NCAM2: variants seen among roughly 807,000 people sequenced by gnomAD.
The protein encoded by NCAM2 is N-CAM-2.
Under a neutral mutation model 98.1 loss-of-function variants are expected in NCAM2, and 30 were observed. The ratio of observed to expected loss-of-function variants is 0.31; its 90% confidence interval spans 0.23 to 0.41. The LOEUF (loss-of-function observed/expected upper bound fraction) is 0.41, where lower values mean the gene tolerates loss of function less well. Among genes scored for constraint, NCAM2 ranks in the 10% least tolerant of loss-of-function variants. NCAM2 has a pLI of 1.00. For missense variants in NCAM2, 867 were observed against 1,005.8 expected, an observed-to-expected ratio of 0.86 and a Z score of 1.87; for synonymous variants, 368 against 342.4, an observed-to-expected ratio of 1.07 and a Z score of -0.83.
intron 9 of NCAM2, among the ~76,000 whole-genome samples, chr21:21,400,146 G>A (rs1026721386): frequency 1.3e-5 from 2 of 152,134 alleles, no homozygotes; most frequent in Non-Finnish European, 2.9e-5. Flanking sequence ...CTGGAAATAA[G>A]CTTGTCCTGA....
At chr21:21,382,573 T>C (rs932405612) in intron 9 of NCAM2, among the ~76,000 whole-genome samples, 1 of 150,790 alleles carries the variant, frequency 6.6e-6, no homozygotes, top group African/African-American at 2.4e-5. Flanking sequence ...TGGAGTGCAA[T>C]GGTGTGATCT....
intron 1 of NCAM2, among the ~76,000 whole-genome samples, chr21:21,053,540 T>A (rs1001301786): frequency 4.0e-5 from 6 of 151,634 alleles, no homozygotes; most frequent in Admixed American, 6.6e-5. Context: ...GTGTTATTTT[T>A]AAAAATTAAT....
intron 1 of NCAM2, among the ~76,000 whole-genome samples, chr21:21,132,991 CGT>C (rs1447516478): frequency 6.6e-6 from 1 of 151,548 alleles, no homozygotes; most frequent in East Asian, 1.9e-4. Flanking sequence ...TATAATCATA[CGT>C]GTTTTTATAA....
At chr21:21,240,372 TAA>T (rs33958717) in intron 1 of NCAM2, among the ~76,000 whole-genome samples, 48,417 of 142,098 alleles carry the variant, frequency 0.34, 8,306 homozygotes, top group Non-Finnish European at 0.41. Flanking sequence ...GCTAAAATGC[TAA>T]AAAAAAAAAA....
intron 1 of NCAM2, among the ~76,000 whole-genome samples, chr21:21,252,598 G>A (rs992296273): frequency 6.6e-6 from 1 of 152,170 alleles, no homozygotes; most frequent in East Asian, 1.9e-4. Flanking sequence ...GCTGCTTGAT[G>A]CTGTAAACAG....
intron 9 of NCAM2, among the ~76,000 whole-genome samples, chr21:21,380,149 C>T (rs192816399): frequency 5.6e-4 from 86 of 152,274 alleles, no homozygotes; most frequent in African/African-American, 2.0e-3. Flanking sequence ...CTGGCAGATA[C>T]ACCCAAGAGC....
intron 5 of NCAM2, among the ~76,000 whole-genome samples, chr21:21,292,827 A>G (rs2073345361): frequency 6.6e-6 from 1 of 151,942 alleles, no homozygotes; most frequent in Non-Finnish European, 1.5e-5. Context: ...ACTGCTATAA[A>G]GAATACTCGA....
chr21:21,422,225 A>C (rs1433730672), intron 11 of NCAM2, among the ~76,000 whole-genome samples: 1 of 152,192 alleles, frequency 6.6e-6, no homozygotes, highest in East Asian at 1.9e-4. Flanking sequence ...AAATTCAAAT[A>C]CTGCATGTTC....
At chr21:21,142,094 T>C (rs2067179132) in intron 1 of NCAM2, among the ~76,000 whole-genome samples, 1 of 152,212 alleles carries the variant, frequency 6.6e-6, no homozygotes, top group Non-Finnish European at 1.5e-5. Context: ...TTCTGGTTTA[T>C]AACACTGGGA....
intron 1 of NCAM2, among the ~76,000 whole-genome samples, chr21:21,095,029 T>A (rs185569747): frequency 9.0e-4 from 137 of 151,890 alleles, no homozygotes; most frequent in Admixed American, 3.2e-3. Flanking sequence ...AGTTGATTAG[T>A]CAAGTATTAT....
chr21:21,086,979 T>C (rs2065917342), intron 1 of NCAM2, among the ~76,000 whole-genome samples: 1 of 151,972 alleles, frequency 6.6e-6, no homozygotes, highest in Non-Finnish European at 1.5e-5. Context: ...TTGATAGGGA[T>C]ATTGATCGTT....
intron 1 of NCAM2, among the ~76,000 whole-genome samples, chr21:21,087,209 T>A (rs2065922297): frequency 6.6e-6 from 1 of 152,182 alleles, no homozygotes; most frequent in African/African-American, 2.4e-5. Context: ...GCCTAGGATT[T>A]ATGTTATGTT....
chr21:21,099,936 TC>T (rs1171163294), intron 1 of NCAM2, among the ~76,000 whole-genome samples: 2 of 150,304 alleles, frequency 1.3e-5, no homozygotes, highest in Non-Finnish European at 2.9e-5. Context: ...TTTCTATTGA[TC>T]AGCACAGATC....
At chr21:21,033,102 C>T (rs544561008) in intron 1 of NCAM2, among the ~76,000 whole-genome samples, 99 of 152,130 alleles carry the variant, frequency 6.5e-4, no homozygotes, top group South Asian at 1.2e-3. Context: ...AGGCACCCAC[C>T]GCCACACCCA....
intron 1 of NCAM2, among the ~76,000 whole-genome samples, chr21:21,217,492 A>C (rs971521020): frequency 6.6e-6 from 1 of 152,168 alleles, no homozygotes; most frequent in Non-Finnish European, 1.5e-5. Context: ...GGTGCTATAG[A>C]AATGAAAAAA....
chr21:21,158,963 T>C (rs2067696871), intron 1 of NCAM2, among the ~76,000 whole-genome samples: 1 of 152,128 alleles, frequency 6.6e-6, no homozygotes, highest in Non-Finnish European at 1.5e-5. Flanking sequence ...CTTGTTATCA[T>C]AGGAGAGGAT....
chr21:21,159,824 G>T (rs796406734), intron 1 of NCAM2, among the ~76,000 whole-genome samples: 8 of 151,908 alleles, frequency 5.3e-5, no homozygotes, highest in South Asian at 2.1e-4. Flanking sequence ...TATGTGTGTG[G>T]TATTGTTTGA....
At chr21:21,267,977 C>A (rs957183062) in intron 1 of NCAM2, among the ~76,000 whole-genome samples, 1 of 152,052 alleles carries the variant, frequency 6.6e-6, no homozygotes, top group Admixed American at 6.6e-5. Context: ...TGCTTATATA[C>A]GGCTGTGGCT....
chr21:21,194,133 A>G (rs189402355), intron 1 of NCAM2, among the ~76,000 whole-genome samples: 3 of 152,322 alleles, frequency 2.0e-5, no homozygotes, highest in Non-Finnish European at 4.4e-5. Context: ...CCATATATAC[A>G]TGGAATACAA....
Sources: gnomAD v4.1 joint callset for allele counts (sites outside exome capture counted in the v4.1 genomes callset) on GRCh38, gnomAD v4.1.1 for gene constraint, MANE v1.5 for transcripts, NCBI Gene and HGNC (gene_info 2026-07-23, HGNC 2026-07-21) for gene names.